The following SLC36A1 variants were observed in gnomAD, a reference collection of about 807,000 sequenced individuals.
SLC36A1 encodes the protein proton-coupled amino acid transporter 1.
In SLC36A1, 30 loss-of-function variants were observed where a neutral mutation model predicts 47.5. The ratio of observed to expected loss-of-function variants is 0.63; its 90% CI spans 0.47 to 0.86. SLC36A1 has a LOEUF of 0.86. Ranked by LOEUF, SLC36A1 falls within the 40% of genes least tolerant of loss-of-function variation. The pLI, the probability that SLC36A1 is intolerant of heterozygous loss-of-function variation, is 0.00. For synonymous variants in SLC36A1, 255 were observed against 249.7 expected (o/e 1.02, Z -0.20); for missense variants, 517 against 606.0 (o/e 0.85, Z 1.54).
At chr5:151,445,134 C>T (rs1290140529), upstream of SLC36A1, among the ~76,000 whole-genome samples, 1 of 151,230 alleles carries the variant, frequency 6.6e-6, no homozygotes, top group Non-Finnish European at 1.5e-5. Context: ...TATACCTAAA[C>T]TATTGAGAGT....
At chr5:151,389,382 A>G in the SLC36A1 span, among the ~76,000 whole-genome samples, 1 of 151,758 alleles carries the variant, frequency 6.6e-6, no homozygotes, top group African/African-American at 2.4e-5. Flanking sequence ...GGTAATAATT[A>G]ATCCTCCTTT....
chr5:151,507,209 A>G, the SLC36A1 span: 5 of 1,611,624 alleles, frequency 3.1e-6, no homozygotes, highest in Non-Finnish European at 3.4e-6. Flanking sequence ...CAGAGTGGGA[A>G]GGGACCGCAG....
chr5:151,358,204 AGT>A, the SLC36A1 span, among the ~76,000 whole-genome samples: 1 of 152,288 alleles, frequency 6.6e-6, no homozygotes, highest in East Asian at 1.9e-4. Context: ...GTTAGGTTGC[AGT>A]GTCTTATGCA....
At chr5:151,538,655 C>T in the SLC36A1 span, among the ~76,000 whole-genome samples, 1 of 152,124 alleles carries the variant, frequency 6.6e-6, no homozygotes, top group Non-Finnish European at 1.5e-5. Flanking sequence ...CCTACATGCC[C>T]TGGATGGAAG....
the SLC36A1 span, chr5:151,525,924 C>T: frequency 0.065 from 105,286 of 1,614,114 alleles, 5,765 homozygotes; most frequent in South Asian, 0.23. Context: ...CTGGGTCACT[C>T]AGGATCAGCT....
chr5:151,449,745 A>G (rs1753344833), intron 1 of SLC36A1, among the ~76,000 whole-genome samples: 1 of 152,232 alleles, frequency 6.6e-6, no homozygotes, highest in South Asian at 2.1e-4. Context: ...AACACTGAGC[A>G]CGGAGCTCCC....
chr5:151,517,818 C>A, the SLC36A1 span: 1 of 1,598,138 alleles, frequency 6.3e-7, no homozygotes, highest in East Asian at 2.2e-5. Context: ...CCCATTGAGC[C>A]CTTGGACTGA....
At chr5:151,349,747 A>C in the SLC36A1 span, among the ~76,000 whole-genome samples, 3 of 152,174 alleles carry the variant, frequency 2.0e-5, no homozygotes, top group African/African-American at 4.8e-5. Flanking sequence ...TTTAGAGTAA[A>C]CACAGAGCCT....
the SLC36A1 span, among the ~76,000 whole-genome samples, chr5:151,430,098 G>A: frequency 6.6e-6 from 1 of 151,840 alleles, no homozygotes; most frequent in South Asian, 2.1e-4. Context: ...ATAAGGCCTG[G>A]TCATTGCCTT....
the SLC36A1 span, among the ~76,000 whole-genome samples, chr5:151,537,174 C>T: frequency 7.1e-6 from 1 of 140,896 alleles, no homozygotes; most frequent in Non-Finnish European, 1.5e-5. Flanking sequence ...GAGAGAAATA[C>T]AGAAAGAAAG....
the SLC36A1 span, among the ~76,000 whole-genome samples, chr5:151,499,107 C>T: frequency 6.6e-6 from 1 of 152,222 alleles, no homozygotes; most frequent in Admixed American, 6.5e-5. Flanking sequence ...AAGGAGGTGA[C>T]ATCACTATAT....
the SLC36A1 span, chr5:151,544,142 C>T: frequency 1.2e-6 from 2 of 1,614,214 alleles, no homozygotes; most frequent in East Asian, 4.5e-5. Context: ...GACATCTCCC[C>T]TGTGCTCCCA....
chr5:151,536,530 G>A, the SLC36A1 span, among the ~76,000 whole-genome samples: 1 of 152,036 alleles, frequency 6.6e-6, no homozygotes, highest in African/African-American at 2.4e-5. Context: ...AGCAGGGCAG[G>A]AATCCCTCCT....
At chr5:151,543,014 G>T in the SLC36A1 span, 2 of 1,614,068 alleles carry the variant, frequency 1.2e-6, no homozygotes, top group African/African-American at 2.7e-5. Context: ...GACCCCTCTG[G>T]AAGGTCTTCA....
chr5:151,505,961 C>T, the SLC36A1 span: 1 of 1,573,908 alleles, frequency 6.4e-7, no homozygotes, highest in East Asian at 2.2e-5. Flanking sequence ...GGCCATTAGG[C>T]TCTGGCATCA....
intron 10 of SLC36A1, among the ~76,000 whole-genome samples, chr5:151,485,376 A>G (rs368924325): frequency 1.4e-4 from 22 of 152,358 alleles, no homozygotes; most frequent in African/African-American, 5.0e-4. Flanking sequence ...GTTTGCTGTC[A>G]GGCTTTGGAT....
intron 3 of SLC36A1, 103 bp from the exon 4 acceptor site, chr5:151,464,411 C>T (rs1468027465): frequency 2.4e-5 from 24 of 996,056 alleles, no homozygotes; most frequent in Non-Finnish European, 3.7e-5. Flanking sequence ...CTGAAAACTG[C>T]CTTAGTAGCT....
chr5:151,492,525 G>A (rs933903927), downstream of SLC36A1: 1 of 151,708 alleles, frequency 6.6e-6, no homozygotes. Context: ...GGAATTAAGA[G>A]TCGCCCAAGA....
At chr5:151,514,994 A>G in the SLC36A1 span, among the ~76,000 whole-genome samples, 1 of 152,178 alleles carries the variant, frequency 6.6e-6, no homozygotes, top group Admixed American at 6.5e-5. Flanking sequence ...TTTTTAAAAA[A>G]GGTTGTCTTC....
Sources: allele counts gnomAD v4.1 joint callset (sites outside exome capture counted in the v4.1 genomes callset), GRCh38; gene constraint gnomAD v4.1.1; transcripts MANE v1.5; gene names NCBI Gene and HGNC (gene_info 2026-07-23, HGNC 2026-07-21).